TNFRSF9: variants seen among roughly 807,000 people sequenced by gnomAD.
The protein encoded by TNFRSF9 is tumor necrosis factor receptor superfamily member 9.
TNFRSF9 carries 16 observed loss-of-function variants against 28.8 expected under a neutral mutation model. The ratio of observed to expected loss-of-function variants is 0.55; its 90% CI spans 0.38 to 0.84. The LOEUF is 0.84. Ranked by LOEUF, TNFRSF9 falls within the 40% of genes least tolerant of loss-of-function variation. The pLI, the probability that TNFRSF9 is intolerant of heterozygous loss-of-function variation, is 0.00. For missense variants in TNFRSF9, 303 were observed against 315.0 expected, an observed-to-expected ratio of 0.96 and a Z score of 0.29; for synonymous variants, 131 against 117.0, an observed-to-expected ratio of 1.12 and a Z score of -0.77.
rs1249267033 is a variant in TNFRSF9, at chr1:7,940,833, C to T, written c.-134G>A. 1.3e-5 allele frequency: 2 copies of T among 152,330 alleles called. No homozygotes were observed. The highest frequency in any genetic ancestry group is 1.9e-4 in the East Asian group (1 of 5,320). The allele number at this position is 152,330 out of a possible 1,614,324, so 9.4% of individuals were successfully genotyped here. A position where few individuals can be genotyped will look rare whatever the true frequency, so the allele number is the denominator to read the frequency against. ...AACTTTCCACTCCTTGGTCTTCAGG[C>T]TTCTGCAGCTCGAGAGGACTTCAGG... On this transcript the variant is annotated 5_prime_UTR_variant, in exon 1 of 8. Transcript: ENST00000377507.
At chr1:7,940,688 A>G (rs1639887467) in intron 1 of TNFRSF9, 96 bp downstream of exon 1, 1 of 152,264 alleles carries the variant, frequency 6.6e-6, no homozygotes, top group African/African-American at 2.4e-5. Flanking sequence ...AAGTTATTAC[A>G]TATTAGGAGA....
In TNFRSF9 at chr1:7,919,059, T is replaced by C. The variant is rs1478073643; in HGVS notation, c.*1776A>G. 6.6e-6 allele frequency: 1 copy of C among 152,232 alleles called. No individual in the cohort carries two copies. Among genetic ancestry groups the C allele is most frequent in the Non-Finnish European group, 1.5e-5 (1 of 68,054 alleles). The allele number at this position is 152,232 out of a possible 1,614,324, so 9.4% of individuals were successfully genotyped here. A position where few individuals can be genotyped will look rare whatever the true frequency, so the allele number is the denominator to read the frequency against. ...GCTGCAGGATTTGCTCTAAAGGTTA[T>C]AGTAGAACCAACTAAATAGGAGCAG... On this transcript the variant is annotated 3_prime_UTR_variant, in exon 8 of 8. Transcript: ENST00000377507.
intron 5 of TNFRSF9, among the ~76,000 whole-genome samples, chr1:7,936,735 A>G (rs1639821592): frequency 6.6e-6 from 1 of 152,274 alleles, no homozygotes; most frequent in Non-Finnish European, 1.5e-5. Context: ...AAGAAAATGA[A>G]ACGGAAAAAG....
chr1:7,916,477 CTG>C lies in TNFRSF9; in HGVS notation c.*4356_*4357del, dbSNP rs966915326. 5 of 152,198 alleles carry C rather than the reference CTG, an allele frequency of 3.3e-5. No homozygotes were observed. Among genetic ancestry groups the C allele is most frequent in the Non-Finnish European group, 7.3e-5 (5 of 68,036 alleles). The allele number at this position is 152,198 out of a possible 1,614,324, so 9.4% of individuals were successfully genotyped here. ...TAGCCTCCTTTCTTCACAGAATAAA[CTG>C]TGGATTTTCGGTGTGTAACCTAGGA... On this transcript the variant is annotated 3_prime_UTR_variant, in exon 8 of 8. Transcript: ENST00000377507.
chr1:7,924,409 C>T (rs1388663137), intron 7 of TNFRSF9, among the ~76,000 whole-genome samples: 1 of 150,226 alleles, frequency 6.7e-6, no homozygotes, highest in Non-Finnish European at 1.5e-5. Context: ...GGTGGATTGC[C>T]TGAGCTCAGG....
chr1:7,931,858 T>C (rs753708480), intron 7 of TNFRSF9, among the ~76,000 whole-genome samples: 39 of 152,258 alleles, frequency 2.6e-4, no homozygotes, highest in Non-Finnish European at 5.6e-4. Flanking sequence ...GATAAGACTT[T>C]ACTGGCTGAG....
rs920566046 is a variant in TNFRSF9 at position 7,937,539 on chromosome 1, C to T, written c.413+151G>A. ...GCCCACTTTGCCTATTGAGTTGCTA[C>T]GACCTCACAGTGTTCCCACGCTGCC... On this transcript the variant is annotated intron_variant, in intron 5 of 7. Coordinates refer to ENST00000377507, the MANE Select transcript of TNFRSF9 (RefSeq NM_001561.6). 13 of 566,914 alleles carry T rather than the reference C, an allele frequency of 2.3e-5. 1 individual carries two copies. The highest frequency in any genetic ancestry group is 1.2e-4 in the South Asian group (5 of 40,810). The allele number at this position is 566,914 out of a possible 1,614,324, so 35.1% of individuals were successfully genotyped here.
intron 7 of TNFRSF9, among the ~76,000 whole-genome samples, chr1:7,928,549 C>T (rs753190327): frequency 2.8e-4 from 42 of 152,174 alleles, no homozygotes; most frequent in Non-Finnish European, 5.3e-4. Context: ...AAAAAAAGTT[C>T]ACGTTTGTGA....
At position 7,929,157 on chromosome 1, in the gene TNFRSF9, C is replaced by CTTTTTTT. The variant is rs1491203940; in HGVS notation, c.679+4004_679+4005insAAAAAAA. Among the ~76,000 whole-genome samples the CTTTTTTT allele has an allele frequency of 2.3e-3, 148 of 65,454 alleles. 4 individuals are homozygous for CTTTTTTT. The highest frequency in any genetic ancestry group is 4.1e-3 in the Non-Finnish European group (104 of 25,482). 42.9% of individuals were successfully genotyped at this position (65,454 alleles called of 152,430 possible). ...CTCAGTTTTTCTTTTTTTTCTTTTT[C>CTTTTTTT]CTTTTTTTTTTTTTTTTTTTTTGAG... On this transcript the variant is annotated intron_variant, in intron 7 of 7. Transcript: ENST00000377507.
At chr1:7,935,215 AT>A in intron 5 of TNFRSF9, 72 bp from the exon 6 acceptor site, 1 of 1,533,514 alleles carries the variant, frequency 6.5e-7, no homozygotes, top group Non-Finnish European at 8.9e-7. Context: ...AAACTTTGTC[AT>A]TTTTCACCCA....
chr1:7,929,920 A>C (rs968300958), intron 7 of TNFRSF9, among the ~76,000 whole-genome samples: 2 of 150,868 alleles, frequency 1.3e-5, no homozygotes, highest in Non-Finnish European at 2.9e-5. Context: ...ATTCCTGTGA[A>C]TCTATAATTA....
chr1:7,931,240 C>G (rs1639727518), intron 7 of TNFRSF9, among the ~76,000 whole-genome samples: 1 of 152,200 alleles, frequency 6.6e-6, no homozygotes, highest in South Asian at 2.1e-4. Flanking sequence ...ACACATGTTC[C>G]TTGTAGCTCA....
intron 7 of TNFRSF9, among the ~76,000 whole-genome samples, chr1:7,929,157 C>CTTTTTTTTTTTTTTTTT (rs1491203940): frequency 7.6e-5 from 5 of 65,438 alleles, no homozygotes; most frequent in Non-Finnish European, 7.8e-5. Flanking sequence ...TTTTCTTTTT[C>CTTTTTTTTTTTTTTTTT]CTTTTTTTTT....
In TNFRSF9 at chr1:7,929,523, G is replaced by A. The variant is rs566406016; in HGVS notation, c.679+3639C>T. ...CTTTACATCCCTGAATACACCCACC[G>A]TATTCCCACTGCAATGCTACTCCTG... is the stretch of plus-strand genomic sequence containing the variant. On this transcript the variant is annotated intron_variant, in intron 7 of 7. Coordinates refer to ENST00000377507, the MANE Select transcript of TNFRSF9 (RefSeq NM_001561.6). Among the ~76,000 whole-genome samples the A allele has an allele frequency of 4.6e-5, 7 of 151,846 alleles. No individual in the cohort carries two copies. In the South Asian group the frequency reaches 1.0e-3, roughly 23 times the overall value.
At chr1:7,932,740 C>A (rs1639752612) in intron 7 of TNFRSF9, among the ~76,000 whole-genome samples, 1 of 151,690 alleles carries the variant, frequency 6.6e-6, no homozygotes, top group African/African-American at 2.4e-5. Flanking sequence ...CACATACACA[C>A]ACACACACAC....
chr1:7,933,147 TTA>T lies in TNFRSF9; in HGVS notation c.679+13_679+14del. ...TTGCCTTGCCAGAGCTGTAATATGA[TTA>T]TGTTAATCTTACGTTGTTTGAATAT... On this transcript the variant is annotated intron_variant, in intron 7 of 7. Transcript: ENST00000377507. 6.3e-7 allele frequency: 1 copy of T among 1,593,526 alleles called. No homozygotes were observed.
At chr1:7,938,883 A>T in intron 2 of TNFRSF9, 55 bp from the exon 3 acceptor site, 1 of 1,258,400 alleles carries the variant, frequency 7.9e-7, no homozygotes, top group Non-Finnish European at 1.1e-6. Flanking sequence ...TCGTCACCCA[A>T]GGCATTCCGA....
rs1639507059 is a variant in TNFRSF9 at position 7,918,103 on chromosome 1, C to T, written c.*2732G>A. On this transcript the variant is annotated 3_prime_UTR_variant, in exon 8 of 8. Transcript: ENST00000377507. ...GGTTCAAGCGATTCTTCTGCCACAGCCTCTGGAGCAGCTGGGGTTACAGGC... is the reference window on the plus strand; with the variant it reads ...GGTTCAAGCGATTCTTCTGCCACAGTCTCTGGAGCAGCTGGGGTTACAGGC... 1 of 151,918 alleles carries T rather than the reference C, an allele frequency of 6.6e-6. No individual in the cohort carries two copies. The highest frequency in any genetic ancestry group is 2.4e-5 in the African/African-American group (1 of 41,320). The allele number at this position is 151,918 out of a possible 1,614,324, so 9.4% of individuals were successfully genotyped here.
intron 7 of TNFRSF9, among the ~76,000 whole-genome samples, chr1:7,930,010 C>T (rs1299473179): frequency 2.7e-5 from 3 of 112,282 alleles, no homozygotes; most frequent in African/African-American, 1.1e-4. Context: ...GCTTTTGTTG[C>T]CCAGGCTGGA....
Sources: gnomAD v4.1 joint callset for allele counts (sites outside exome capture counted in the v4.1 genomes callset) on GRCh38, gnomAD v4.1.1 for gene constraint, MANE v1.5 for transcripts, NCBI Gene and HGNC (gene_info 2026-07-23, HGNC 2026-07-21) for gene names.